PRKD1: variants seen among roughly 807,000 people sequenced by gnomAD.
The protein encoded by PRKD1 is serine/threonine-protein kinase D1.
PRKD1 carries 63 observed loss-of-function variants against 95.9 expected under a neutral mutation model. The observed-to-expected ratio is 0.66, with a 90% CI of 0.54 to 0.81. PRKD1 has a LOEUF of 0.81. Ranked by LOEUF, PRKD1 falls within the 30% of genes least tolerant of loss-of-function variation. PRKD1 has a pLI of 0.00. For missense variants in PRKD1, 1,048 were observed against 1,165.3 expected (o/e 0.90, Z 1.47); for synonymous variants, 425 against 423.1 (o/e 1.00, Z -0.05).
intron 13 of PRKD1, among the ~76,000 whole-genome samples, chr14:29,617,912 A>T (rs1424217556): frequency 2.9e-5 from 1 of 34,470 alleles, no homozygotes; most frequent in African/African-American, 6.7e-5. Context: ...ACCAAAAATA[A>T]AAAAAAAAGT....
chr14:29,752,038 ACTT>A (rs1414711373), intron 1 of PRKD1, among the ~76,000 whole-genome samples: 2 of 152,182 alleles, frequency 1.3e-5, no homozygotes, highest in Non-Finnish European at 2.9e-5. Context: ...TTTTCATCTT[ACTT>A]CTTAACATAA....
intron 1 of PRKD1, among the ~76,000 whole-genome samples, chr14:29,851,754 C>G (rs1223274364): frequency 6.6e-6 from 1 of 152,084 alleles, no homozygotes; most frequent in Admixed American, 6.6e-5. Context: ...CAAAATAAAT[C>G]ATTCTACCAA....
At chr14:29,863,975 T>C (rs1352281311) in intron 1 of PRKD1, among the ~76,000 whole-genome samples, 1 of 152,154 alleles carries the variant, frequency 6.6e-6, no homozygotes, top group Non-Finnish European at 1.5e-5. Context: ...ATTTTTATGG[T>C]AAACCTGAAG....
chr14:29,640,427 A>G (rs1253104071), intron 4 of PRKD1, among the ~76,000 whole-genome samples: 4 of 152,208 alleles, frequency 2.6e-5, no homozygotes, highest in Non-Finnish European at 5.9e-5. Flanking sequence ...CAGTAAAAAG[A>G]AACTTAAAAT....
intron 1 of PRKD1, among the ~76,000 whole-genome samples, chr14:29,730,790 G>C (rs1206235643): frequency 2.0e-5 from 3 of 152,096 alleles, no homozygotes; most frequent in East Asian, 1.9e-4. Flanking sequence ...ACCATATGTG[G>C]AATCTAAAAA....
intron 1 of PRKD1, among the ~76,000 whole-genome samples, chr14:29,812,800 T>C (rs1219154599): frequency 1.3e-5 from 2 of 152,202 alleles, no homozygotes; most frequent in Non-Finnish European, 2.9e-5. Flanking sequence ...ATATCAGTTA[T>C]ATTTTTTGTT....
chr14:29,792,905 A>G (rs1011593146), intron 1 of PRKD1, among the ~76,000 whole-genome samples: 2 of 152,100 alleles, frequency 1.3e-5, no homozygotes, highest in Non-Finnish European at 2.9e-5. Context: ...AAAGCCAAAC[A>G]TTCCCCTAAT....
At chr14:29,648,737 C>T (rs1881300608) in intron 4 of PRKD1, among the ~76,000 whole-genome samples, 1 of 152,108 alleles carries the variant, frequency 6.6e-6, no homozygotes, top group Admixed American at 6.5e-5. Flanking sequence ...TCACTGCCAG[C>T]TCTGCCTCCT....
chr14:29,693,627 C>CAAAAAAAAA (rs772835816), intron 2 of PRKD1, among the ~76,000 whole-genome samples: 1 of 81,560 alleles, frequency 1.2e-5, no homozygotes, highest in Admixed American at 1.3e-4. Context: ...TGACCTCAGT[C>CAAAAAAAAA]AAAAAAAAAA....
intron 1 of PRKD1, among the ~76,000 whole-genome samples, chr14:29,752,022 G>A (rs1887499228): frequency 6.6e-6 from 1 of 152,118 alleles, no homozygotes; most frequent in African/African-American, 2.4e-5. Flanking sequence ...AATATTTGCT[G>A]TTTCCTTTTC....
chr14:29,927,142 G>A (rs1895331434), intron 1 of PRKD1, 107 bp downstream of exon 1: 3 of 1,192,698 alleles, frequency 2.5e-6, no homozygotes, highest in South Asian at 3.2e-5. Flanking sequence ...CGAGGCTGGC[G>A]GCCAGCCGAG....
At chr14:29,582,378 G>C (rs1425384402) in intron 16 of PRKD1, among the ~76,000 whole-genome samples, 1 of 150,808 alleles carries the variant, frequency 6.6e-6, no homozygotes, top group Non-Finnish European at 1.5e-5. Flanking sequence ...GCTTCTTGTT[G>C]AATAATTTCA....
At chr14:29,773,231 C>T (rs146745181) in intron 1 of PRKD1, among the ~76,000 whole-genome samples, 2,646 of 152,120 alleles carry the variant, frequency 0.017, 78 homozygotes, top group African/African-American at 0.061. Flanking sequence ...GAGGCCCAGG[C>T]GAGTGAATCA....
At chr14:29,708,345 T>C (rs1273541422) in intron 2 of PRKD1, among the ~76,000 whole-genome samples, 3 of 152,174 alleles carry the variant, frequency 2.0e-5, no homozygotes, top group East Asian at 1.9e-4. Flanking sequence ...AAACAGACAA[T>C]TGAAACTATT....
intron 13 of PRKD1, among the ~76,000 whole-genome samples, chr14:29,607,430 G>T (rs550692868): frequency 6.6e-6 from 1 of 152,288 alleles, no homozygotes; most frequent in East Asian, 1.9e-4. Context: ...TCAAGTTGAT[G>T]GCAAGCTGCT....
chr14:29,696,097 C>A (rs1884500322), intron 2 of PRKD1, among the ~76,000 whole-genome samples: 1 of 152,140 alleles, frequency 6.6e-6, no homozygotes, highest in Non-Finnish European at 1.5e-5. Flanking sequence ...GCATATAAAG[C>A]ATTGCATTTT....
chr14:29,808,375 T>C (rs1890332994), intron 1 of PRKD1, among the ~76,000 whole-genome samples: 1 of 69,506 alleles, frequency 1.4e-5, no homozygotes, highest in Non-Finnish European at 2.9e-5. Flanking sequence ...AGGCTCTACT[T>C]TTTTTTTTTT....
intron 1 of PRKD1, among the ~76,000 whole-genome samples, chr14:29,773,445 G>T (rs1888597720): frequency 6.9e-6 from 1 of 144,788 alleles, no homozygotes; most frequent in South Asian, 2.2e-4. Context: ...GGATGACAGA[G>T]CGAGGCTCTG....
At chr14:29,857,931 G>C (rs775117398) in intron 1 of PRKD1, among the ~76,000 whole-genome samples, 3 of 152,198 alleles carry the variant, frequency 2.0e-5, no homozygotes, top group Non-Finnish European at 4.4e-5. Flanking sequence ...AAGAACCAGA[G>C]TGGAGTCTCC....
Sources: allele counts gnomAD v4.1 joint callset (sites outside exome capture counted in the v4.1 genomes callset), GRCh38; gene constraint gnomAD v4.1.1; transcripts MANE v1.5; gene names NCBI Gene and HGNC (gene_info 2026-07-23, HGNC 2026-07-21).